Variants in SPATA1 observed in about 807,000 individuals in gnomAD.
The protein encoded by SPATA1 is spermatogenesis associated 1, also known as spermatogenesis-associated protein 1.
In SPATA1, 57 loss-of-function variants were observed where a neutral mutation model predicts 59.6. The ratio of observed to expected loss-of-function variants is 0.96; its 90% confidence interval spans 0.77 to 1.19. The LOEUF (loss-of-function observed/expected upper bound fraction) is 1.19, where lower values mean the gene tolerates loss of function less well. Ranked by LOEUF, SPATA1 falls within the 50% of genes most tolerant of loss-of-function variation. The pLI is 0.00. For synonymous variants in SPATA1, 147 were observed against 163.9 expected (o/e 0.90, Z 0.79); for missense variants, 448 against 480.7 (o/e 0.93, Z 0.64).
At chr1:84,535,715 T>G (rs549469727) in intron 8 of SPATA1, among the ~76,000 whole-genome samples, 1 of 151,512 alleles carries the variant, frequency 6.6e-6, no homozygotes, top group Non-Finnish European at 1.5e-5. Flanking sequence ...TCTATCAGGT[T>G]TTTTTTTTGT....
At chr1:84,531,195 C>T (rs1246698217) in intron 6 of SPATA1, among the ~76,000 whole-genome samples, 1 of 151,898 alleles carries the variant, frequency 6.6e-6, no homozygotes, top group African/African-American at 2.4e-5. Context: ...GACAGGGTCT[C>T]TCTCCAGACC....
At position 84,520,701 on chromosome 1, in the gene SPATA1, G is replaced by C. The variant is rs755185145; in HGVS notation, c.143+10G>C. 5 of 1,491,244 alleles carry C rather than the reference G, an allele frequency of 3.4e-6. No individual in the cohort carries two copies. The highest frequency in any genetic ancestry group is 3.6e-6 in the Non-Finnish European group (4 of 1,101,936). 92.4% of individuals were successfully genotyped at this position (1,491,244 alleles called of 1,614,324 possible). ...CAGCTGGATTTCTAAGGCAAGTGTTGTGTAGTCATGTAACAATATGCCTGA... is the reference window on the plus strand; with the variant it reads ...CAGCTGGATTTCTAAGGCAAGTGTTCTGTAGTCATGTAACAATATGCCTGA... On this transcript the variant is annotated intron_variant, in intron 3 of 12. Transcript: ENST00000490879.
chr1:84,566,295 C>CTGGT (rs1684697951), downstream of SPATA1: 1 of 167,830 alleles, frequency 6.0e-6, no homozygotes. Context: ...AAACGCTAGG[C>CTGGT]TGGTACCTCA....
At chr1:84,557,933 G>T (rs553070722), downstream of SPATA1, among the ~76,000 whole-genome samples, 6 of 151,740 alleles carry the variant, frequency 4.0e-5, no homozygotes, top group South Asian at 1.3e-3. Context: ...CCTTCAATGC[G>T]CACCAAAATG....
At chr1:84,554,700 T>C (rs1684376811), downstream of SPATA1, 2 of 237,322 alleles carry the variant, frequency 8.4e-6, no homozygotes, top group Admixed American at 1.0e-4. Context: ...TTTACTATAA[T>C]GAAGGGAAAT....
downstream of SPATA1, among the ~76,000 whole-genome samples, chr1:84,558,145 G>A (rs1373335809): frequency 1.3e-5 from 2 of 152,022 alleles, no homozygotes; most frequent in Non-Finnish European, 2.9e-5. Flanking sequence ...CTAAGAGAAT[G>A]GATTTTAAGT....
chr1:84,545,905 G>C (rs1684071355), intron 10 of SPATA1, 146 bp downstream of exon 10: 1 of 518,170 alleles, frequency 1.9e-6, no homozygotes, highest in South Asian at 7.6e-5. Flanking sequence ...GTTCAATATA[G>C]AAAACATGAA....
chr1:84,539,653 T>G (rs74372547), intron 8 of SPATA1, among the ~76,000 whole-genome samples: 6,921 of 152,310 alleles, frequency 0.045, 224 homozygotes, highest in Admixed American at 0.082. Flanking sequence ...GTCTGCCATT[T>G]ATTTCTGGTT....
At chr1:84,564,630 C>T (rs1048399698) in intron 4 of SPATA1, among the ~76,000 whole-genome samples, 1 of 152,174 alleles carries the variant, frequency 6.6e-6, no homozygotes, top group African/African-American at 2.4e-5. Flanking sequence ...ACCTCAGCCT[C>T]CCAAGGCTTG....
chr1:84,512,261 T>G (rs1179997970), intron 1 of SPATA1, among the ~76,000 whole-genome samples: 1 of 152,186 alleles, frequency 6.6e-6, no homozygotes, highest in African/African-American at 2.4e-5. Flanking sequence ...CCTTGAGCAA[T>G]CAAGTAATCA....
At chr1:84,558,046 C>A (rs1265282010), downstream of SPATA1, among the ~76,000 whole-genome samples, 1 of 151,996 alleles carries the variant, frequency 6.6e-6, no homozygotes, top group Non-Finnish European at 1.5e-5. Context: ...TTTCAAGACA[C>A]AAATTTTCAA....
intron 10 of SPATA1, among the ~76,000 whole-genome samples, chr1:84,548,425 G>A (rs1004234758): frequency 7.2e-6 from 1 of 138,572 alleles, no homozygotes; most frequent in African/African-American, 2.5e-5. Context: ...ATGTATATAT[G>A]TTATAGTTTT....
At chr1:84,542,942 T>C (rs546520752) in intron 8 of SPATA1, among the ~76,000 whole-genome samples, 4 of 152,326 alleles carry the variant, frequency 2.6e-5, no homozygotes, top group African/African-American at 9.6e-5. Flanking sequence ...ATATACTATA[T>C]ATACTGTGTT....
chr1:84,507,861 A>C (rs1189192568), intron 1 of SPATA1, among the ~76,000 whole-genome samples: 1 of 151,820 alleles, frequency 6.6e-6, no homozygotes. Context: ...TTCAGAAAAA[A>C]AAAAAATTGT....
intron 4 of SPATA1, 23 bp downstream of exon 4, chr1:84,522,530 T>C: frequency 7.4e-7 from 1 of 1,346,102 alleles, no homozygotes; most frequent in Non-Finnish European, 1.0e-6. Flanking sequence ...TTTTTTTCTT[T>C]CTGATTGAGA....
chr1:84,525,375 G>A (rs1032482124), intron 4 of SPATA1, among the ~76,000 whole-genome samples: 1 of 152,148 alleles, frequency 6.6e-6, no homozygotes, highest in Non-Finnish European at 1.5e-5. Context: ...CAGATGACCT[G>A]GTTTTGAATC....
chr1:84,554,405 T>C (rs1570461971), exon 13 of SPATA1: 1 of 152,362 alleles, frequency 6.6e-6, no homozygotes, highest in East Asian at 1.9e-4. Flanking sequence ...ATCTTCTGGA[T>C]TCTTTTTAAT....
intron 4 of SPATA1, among the ~76,000 whole-genome samples, chr1:84,524,143 T>C (rs1364586184): frequency 6.6e-6 from 1 of 152,002 alleles, no homozygotes; most frequent in East Asian, 1.9e-4. Context: ...AGAAGCAATA[T>C]TTCAATTTGG....
exon 13 of SPATA1, chr1:84,553,720 G>A (rs1168077975): frequency 6.6e-6 from 1 of 152,070 alleles, no homozygotes; most frequent in Non-Finnish European, 1.5e-5. Flanking sequence ...TGTGTAAATA[G>A]GAAATGTAAT....
Sources: allele counts gnomAD v4.1 joint callset (sites outside exome capture counted in the v4.1 genomes callset), GRCh38; gene constraint gnomAD v4.1.1; transcripts MANE v1.5; gene names NCBI Gene and HGNC (gene_info 2026-07-23, HGNC 2026-07-21).